Variants in SCN2A observed in about 807,000 individuals in gnomAD.
SCN2A encodes the protein sodium voltage-gated channel alpha subunit 2.
SCN2A carries 20 observed loss-of-function variants against 188.7 expected under a neutral mutation model. The observed-to-expected ratio is 0.11, with a 90% CI of 0.07 to 0.15. SCN2A has a LOEUF of 0.15. Among genes scored for constraint, SCN2A ranks in the 10% least tolerant of loss-of-function variants. The probability of loss-of-function intolerance (pLI) is 1.00; values close to 1 mark genes in which losing one functional copy is unlikely to be tolerated. For missense variants in SCN2A, 1,278 were observed against 2,445.0 expected (o/e 0.52, Z 10.07); for synonymous variants, 804 against 833.1 (o/e 0.97, Z 0.60).
intron 1 of SCN2A, among the ~76,000 whole-genome samples, chr2:165,280,322 C>T (rs1228531673): frequency 2.0e-5 from 3 of 151,970 alleles, no homozygotes; most frequent in Non-Finnish European, 4.4e-5. Flanking sequence ...TAAGCACTAG[C>T]GATAGAGTAA....
At chr2:165,294,391 T>C (rs1274685539) in intron 1 of SCN2A, among the ~76,000 whole-genome samples, 1 of 152,078 alleles carries the variant, frequency 6.6e-6, no homozygotes, top group Non-Finnish European at 1.5e-5. Flanking sequence ...TGAGGGATGT[T>C]TTGGAGGCAC....
At chr2:165,252,253 A>C (rs967466280) in intron 1 of SCN2A, among the ~76,000 whole-genome samples, 1 of 152,108 alleles carries the variant, frequency 6.6e-6, no homozygotes, top group Non-Finnish European at 1.5e-5. Context: ...TCAAGATATT[A>C]ATAAGCATCT....
chr2:165,372,333 A>G (rs1415851212), intron 20 of SCN2A: 3 of 152,134 alleles, frequency 2.0e-5, no homozygotes, highest in Non-Finnish European at 4.4e-5. Flanking sequence ...ACAACTTTCA[A>G]TGTGCTTCAC....
intron 6 of SCN2A, 32 bp from the exon 7 acceptor site, chr2:165,310,291 A>G (rs1697358340): frequency 6.2e-7 from 1 of 1,612,508 alleles, no homozygotes; most frequent in Non-Finnish European, 8.5e-7. Context: ...TGAGTAGTAT[A>G]TTTAAATTCC....
At chr2:165,363,470 G>A (rs965568273) in intron 17 of SCN2A, among the ~76,000 whole-genome samples, 1 of 152,056 alleles carries the variant, frequency 6.6e-6, no homozygotes, top group Non-Finnish European at 1.5e-5. Context: ...CCAACATGTT[G>A]CAAGTGATAA....
chr2:165,278,446 T>C (rs1450698291), intron 1 of SCN2A, among the ~76,000 whole-genome samples: 1 of 152,158 alleles, frequency 6.6e-6, no homozygotes, highest in Non-Finnish European at 1.5e-5. Context: ...GAGAGCCCCT[T>C]ATAAAATCAT....
intron 11 of SCN2A, among the ~76,000 whole-genome samples, chr2:165,318,380 T>A (rs1226319101): frequency 1.3e-5 from 2 of 152,240 alleles, no homozygotes; most frequent in Admixed American, 6.5e-5. Context: ...CAATTGACCT[T>A]AAATCATTAC....
At chr2:165,382,328 G>T (rs917786897) in intron 25 of SCN2A, among the ~76,000 whole-genome samples, 1 of 152,016 alleles carries the variant, frequency 6.6e-6, no homozygotes, top group African/African-American at 2.4e-5. Context: ...AATGTGAAAA[G>T]AAAGATTTTA....
chr2:165,315,346 C>T, intron 10 of SCN2A, 125 bp from the exon 11 acceptor site: 1 of 1,464,158 alleles, frequency 6.8e-7, no homozygotes, highest in Non-Finnish European at 9.2e-7. Flanking sequence ...TTTTCTAAAA[C>T]ACAGAATAAA....
chr2:165,272,711 C>T (rs1157639745), intron 1 of SCN2A: 3 of 150,996 alleles, frequency 2.0e-5, no homozygotes, highest in Non-Finnish European at 4.4e-5. Flanking sequence ...CCCCTTTTTA[C>T]AAAATTAAGC....
At chr2:165,279,882 G>A (rs1027760290) in intron 1 of SCN2A, among the ~76,000 whole-genome samples, 12 of 152,156 alleles carry the variant, frequency 7.9e-5, no homozygotes, top group Non-Finnish European at 1.3e-4. Context: ...GGTGTCTCCC[G>A]TGCTGTTCTT....
chr2:165,331,317 T>C lies in SCN2A; in HGVS notation c.2150-13T>C. On this transcript the variant is annotated splice_polypyrimidine_tract_variant and intron_variant, in intron 13 of 26. Coordinates refer to ENST00000375437, the MANE Select transcript of SCN2A (RefSeq NM_001040142.2). ...AGCAGTTTTCATGAGGATTCTAACT[T>C]TTTTTCTTCCAGAACTTGAAGAATC... The C allele has an allele frequency of 6.3e-7, 1 of 1,599,274 alleles. No homozygotes were observed. Among genetic ancestry groups the C allele is most frequent in the South Asian group, 1.1e-5 (1 of 90,754 alleles).
intron 1 of SCN2A, among the ~76,000 whole-genome samples, chr2:165,291,566 TTCC>T (rs1352246687): frequency 9.6e-4 from 89 of 92,778 alleles, no homozygotes; most frequent in South Asian, 2.1e-3. Flanking sequence ...CCTTCCTTCC[TTCC>T]TTCCTTTCTC....
intron 1 of SCN2A, among the ~76,000 whole-genome samples, chr2:165,254,435 AT>A (rs1418149667): frequency 6.6e-6 from 1 of 151,736 alleles, no homozygotes; most frequent in Non-Finnish European, 1.5e-5. Flanking sequence ...TCAAATTTAT[AT>A]TTGCTTCAAA....
chr2:165,294,116 G>T lies in SCN2A; in HGVS notation c.-51-1657G>T, dbSNP rs962697383. 2 of 981,944 alleles carry T rather than the reference G, an allele frequency of 2.0e-6. No individual in the cohort carries two copies. Among genetic ancestry groups the T allele is most frequent in the African/African-American group, 3.5e-5 (2 of 56,492 alleles). The allele number at this position is 981,944 out of a possible 1,614,324, so 60.8% of individuals were successfully genotyped here. A position where few individuals can be genotyped will look rare whatever the true frequency, so the allele number is the denominator to read the frequency against. ...CCAGCTTATCAATCCCAAACTCTGG[G>T]TGTAAAAGATTCTACAGGGGTAATG... On this transcript the variant is annotated intron_variant, in intron 1 of 26. Coordinates refer to ENST00000375437, the MANE Select transcript of SCN2A (RefSeq NM_001040142.2).
At chr2:165,246,602 T>A (rs1693858025) in intron 1 of SCN2A, among the ~76,000 whole-genome samples, 1 of 152,180 alleles carries the variant, frequency 6.6e-6, no homozygotes, top group Admixed American at 6.5e-5. Flanking sequence ...AATTCCACAG[T>A]TATTCATAAA....
intron 15 of SCN2A, 111 bp downstream of exon 15, chr2:165,342,580 T>G (rs1321915149): frequency 2.8e-5 from 33 of 1,179,190 alleles, no homozygotes; most frequent in South Asian, 1.7e-4. Context: ...TTGAATACAC[T>G]TCTAAAACAA....
chr2:165,278,406 G>T (rs368709953), intron 1 of SCN2A, among the ~76,000 whole-genome samples: 1 of 152,122 alleles, frequency 6.6e-6, no homozygotes, highest in African/African-American at 2.4e-5. Flanking sequence ...TTTTCTCCAG[G>T]CGGCAGGAAG....
chr2:165,389,564 C>T lies in SCN2A; in HGVS notation c.5758C>T (p.Leu1920Phe). The change falls in exon 27 of 27, where the codon CTC becomes TTC. Residue 1920 changes from leucine (L) to phenylalanine (F), a missense_variant. Leu to Phe is a conservative substitution (Grantham distance 22). Coordinates refer to ENST00000375437, the MANE Select transcript of SCN2A (RefSeq NM_001040142.2). The surrounding 1 kb of genome is among the most constrained non-coding windows in gnomAD (Gnocchi z 4.2). The part of the protein sequence containing the change: ...IIIQRAYRRY[L>F]LKQKVKKVSS... ...TATCCAGAGGGCTTACAGACGCTAC[C>T]TCTTGAAGCAAAAAGTTAAAAAGGT... The T allele has an allele frequency of 6.2e-7, 1 of 1,613,822 alleles. No homozygotes were observed. Among genetic ancestry groups the T allele is most frequent in the South Asian group, 1.1e-5 (1 of 91,076 alleles).
Sources: allele counts gnomAD v4.1 joint callset (sites outside exome capture counted in the v4.1 genomes callset), GRCh38; gene constraint gnomAD v4.1.1; non-coding constraint Gnocchi (gnomAD v3.1); transcripts MANE v1.5; gene names NCBI Gene and HGNC (gene_info 2026-07-23, HGNC 2026-07-21).